AUTS2: variants seen among roughly 807,000 people sequenced by gnomAD.
The protein encoded by AUTS2 is autism susceptibility gene 2 protein.
A neutral mutation model predicts 112.4 loss-of-function variants in AUTS2; 17 were observed. The ratio of observed to expected loss-of-function variants is 0.15; its 90% CI spans 0.10 to 0.23. The LOEUF is 0.23. Among genes scored for constraint, AUTS2 ranks in the 10% least tolerant of loss-of-function variants. The pLI is 1.00. For synonymous variants in AUTS2, 751 were observed against 702.7 expected (o/e 1.07, Z -1.09); for missense variants, 1,510 against 1,701.6 (o/e 0.89, Z 1.98).
chr7:69,627,127 G>A (rs1793992126), intron 1 of AUTS2, among the ~76,000 whole-genome samples: 1 of 152,194 alleles, frequency 6.6e-6, no homozygotes, highest in African/African-American at 2.4e-5. Flanking sequence ...GAAGGAATGG[G>A]TTTATGTAAA....
chr7:70,510,701 G>GA (rs1171837793), intron 5 of AUTS2, among the ~76,000 whole-genome samples: 2 of 151,632 alleles, frequency 1.3e-5, no homozygotes, highest in Non-Finnish European at 2.9e-5. Context: ...AAAGAAAATT[G>GA]AAAAAAATGT....
intron 4 of AUTS2, chr7:70,290,304 T>C: frequency 7.1e-7 from 1 of 1,415,122 alleles, no homozygotes; most frequent in South Asian, 1.7e-5. Context: ...TTTAGCACAG[T>C]ATTATATCAG....
chr7:70,665,029 C>A (rs184150869), intron 5 of AUTS2, among the ~76,000 whole-genome samples: 1 of 152,192 alleles, frequency 6.6e-6, no homozygotes, highest in Admixed American at 6.5e-5. Context: ...GCTCTGATTG[C>A]ACCACTGCAC....
intron 4 of AUTS2, among the ~76,000 whole-genome samples, chr7:70,295,875 A>G (rs138810423): frequency 1.2e-3 from 182 of 152,336 alleles, no homozygotes; most frequent in African/African-American, 4.1e-3. Context: ...AGTTCAATCA[A>G]GAAGCTAAGA....
chr7:70,124,004 A>C (rs1008530882), intron 3 of AUTS2, among the ~76,000 whole-genome samples: 1 of 152,140 alleles, frequency 6.6e-6, no homozygotes, highest in Non-Finnish European at 1.5e-5. Flanking sequence ...CCACCTTGCC[A>C]GCATCTGTTG....
chr7:70,629,430 C>A (rs1805140155), intron 5 of AUTS2, among the ~76,000 whole-genome samples: 1 of 152,040 alleles, frequency 6.6e-6, no homozygotes, highest in Non-Finnish European at 1.5e-5. Context: ...TGAGATCGTG[C>A]CACTGCACTC....
chr7:70,545,977 G>C (rs1271507305), intron 5 of AUTS2, among the ~76,000 whole-genome samples: 1 of 152,150 alleles, frequency 6.6e-6, no homozygotes, highest in Non-Finnish European at 1.5e-5. Flanking sequence ...TTTCATATTG[G>C]TTTGAAATTT....
At chr7:69,670,728 A>G (rs1796281910) in intron 1 of AUTS2, among the ~76,000 whole-genome samples, 1 of 152,106 alleles carries the variant, frequency 6.6e-6, no homozygotes, top group Admixed American at 6.6e-5. Flanking sequence ...AGATTAAAAA[A>G]TTAGCCAAGT....
chr7:70,073,859 G>A (rs1231176918), intron 2 of AUTS2, among the ~76,000 whole-genome samples: 1 of 152,184 alleles, frequency 6.6e-6, no homozygotes, highest in Admixed American at 6.5e-5. Flanking sequence ...GCTACTACTG[G>A]AGACAGAAAT....
At chr7:70,660,378 G>T (rs7791363) in intron 5 of AUTS2, among the ~76,000 whole-genome samples, 3 of 151,886 alleles carry the variant, frequency 2.0e-5, no homozygotes, top group African/African-American at 4.8e-5. Context: ...CCAGGGCCCG[G>T]TCGCCATCTG....
chr7:70,775,072 G>C lies in AUTS2; in HGVS notation c.1903-285G>C. ...GGAGCTCAAAACAGTGAAACTCCTG[G>C]TGTGTGATGTGAGCAAATCATGTTG... On this transcript the variant is annotated intron_variant, in intron 12 of 18. Transcript: ENST00000342771. 8.8e-6 allele frequency: 4 copies of C among 452,274 alleles called. No homozygotes were observed. In the South Asian group the frequency reaches 1.3e-4, roughly 15 times the overall value. 28.0% of individuals were successfully genotyped at this position (452,274 alleles called of 1,614,324 possible).
chr7:70,338,758 C>G (rs1791108831), intron 4 of AUTS2, among the ~76,000 whole-genome samples: 1 of 151,890 alleles, frequency 6.6e-6, no homozygotes, highest in African/African-American at 2.4e-5. Flanking sequence ...TTTATTTTAC[C>G]TTTTGCTGCT....
intron 2 of AUTS2, among the ~76,000 whole-genome samples, chr7:69,973,159 A>G (rs931815394): frequency 2.0e-5 from 3 of 152,150 alleles, no homozygotes; most frequent in African/African-American, 7.2e-5. Flanking sequence ...GTCCTATATG[A>G]ATTAGATTTA....
intron 1 of AUTS2, among the ~76,000 whole-genome samples, chr7:69,782,975 T>C (rs1190827322): frequency 6.6e-6 from 1 of 152,052 alleles, no homozygotes; most frequent in African/African-American, 2.4e-5. Flanking sequence ...GGGCTTTACC[T>C]CTTACTCGTA....
At chr7:69,944,692 T>C (rs924562401) in intron 2 of AUTS2, among the ~76,000 whole-genome samples, 6 of 152,208 alleles carry the variant, frequency 3.9e-5, no homozygotes, top group African/African-American at 1.4e-4. Context: ...CTTTTTAGAC[T>C]AACTTTGAGA....
At chr7:70,374,673 T>C (rs1773843335) in intron 4 of AUTS2, among the ~76,000 whole-genome samples, 1 of 152,190 alleles carries the variant, frequency 6.6e-6, no homozygotes, top group African/African-American at 2.4e-5. Context: ...TTCTAAAAAG[T>C]ATATTCACAT....
chr7:69,738,389 T>G (rs1012571665), intron 1 of AUTS2, among the ~76,000 whole-genome samples: 23 of 152,282 alleles, frequency 1.5e-4, no homozygotes, highest in African/African-American at 5.3e-4. Context: ...GGGGAGCAGA[T>G]ATGCTATCAG....
intron 6 of AUTS2, among the ~76,000 whole-genome samples, chr7:70,734,345 C>A (rs923150599): frequency 2.0e-5 from 3 of 151,828 alleles, no homozygotes; most frequent in African/African-American, 7.3e-5. Context: ...GGGGCTGAGG[C>A]AGGAGAATGG....
chr7:69,780,577 G>A (rs914100910), intron 1 of AUTS2, among the ~76,000 whole-genome samples: 2 of 152,308 alleles, frequency 1.3e-5, no homozygotes, highest in Admixed American at 6.5e-5. Context: ...ACCATTTGAT[G>A]CTAATTTCAC....
Sources: gnomAD v4.1 joint callset for allele counts (sites outside exome capture counted in the v4.1 genomes callset) on GRCh38, gnomAD v4.1.1 for gene constraint, MANE v1.5 for transcripts, NCBI Gene and HGNC (gene_info 2026-07-23, HGNC 2026-07-21) for gene names.